Variants in DNAAF9 observed in about 807,000 individuals in gnomAD.
DNAAF9 encodes the protein dynein axonemal assembly factor 9, also known as shulin.
In DNAAF9, 90 loss-of-function variants were observed where a neutral mutation model predicts 167.0. The ratio of observed to expected loss-of-function variants is 0.54; its 90% CI spans 0.45 to 0.64. The LOEUF (loss-of-function observed/expected upper bound fraction) is 0.64. Ranked by LOEUF, DNAAF9 falls within the 30% of genes least tolerant of loss-of-function variation. The pLI is 0.00. For synonymous variants in DNAAF9, 491 were observed against 508.8 expected, an observed-to-expected ratio of 0.96 and a Z score of 0.47; for missense variants, 1,315 against 1,442.2, an observed-to-expected ratio of 0.91 and a Z score of 1.43.
chr20:3,285,309 G>A (rs1317382897), intron 27 of DNAAF9, among the ~76,000 whole-genome samples: 1 of 152,300 alleles, frequency 6.6e-6, no homozygotes, highest in South Asian at 2.1e-4. Flanking sequence ...CACTTTGGGA[G>A]GCTGAGGTGG....
At chr20:3,275,598 A>G (rs2068663337) in intron 29 of DNAAF9, among the ~76,000 whole-genome samples, 1 of 152,238 alleles carries the variant, frequency 6.6e-6, no homozygotes, top group African/African-American at 2.4e-5. Context: ...TATCCCCAGC[A>G]TTCCTTAGGC....
chr20:3,379,855 C>T (rs1334083712), intron 3 of DNAAF9, among the ~76,000 whole-genome samples: 3 of 152,060 alleles, frequency 2.0e-5, no homozygotes, highest in South Asian at 2.1e-4. Flanking sequence ...GTCAGGAGTT[C>T]GAGACCAGCC....
intron 22 of DNAAF9, 132 bp from the exon 23 acceptor site, chr20:3,297,081 G>T: frequency 1.6e-6 from 1 of 638,886 alleles, no homozygotes; most frequent in Non-Finnish European, 2.8e-6. Flanking sequence ...AAACAAGTTT[G>T]CTTCAAAAAT....
chr20:3,294,381 T>G lies in DNAAF9; in HGVS notation c.2121-125A>C. The G allele has an allele frequency of 6.1e-6, 5 of 821,112 alleles. No individual in the cohort carries two copies. The South Asian group carries it at 8.0e-5, about 13-fold the overall frequency. The allele number at this position is 821,112 out of a possible 1,614,324, so 50.9% of individuals were successfully genotyped here. ...CCTTGGAGAGATTCTCTCTAGAGAA[T>G]AAAATTGTGTACAGTGTGTTACTGC... On this transcript the variant is annotated intron_variant, in intron 24 of 36. Transcript: ENST00000252032.
At chr20:3,374,800 C>G (rs1330734789) in intron 5 of DNAAF9, among the ~76,000 whole-genome samples, 1 of 152,134 alleles carries the variant, frequency 6.6e-6, no homozygotes, top group Non-Finnish European at 1.5e-5. Context: ...AATTCTGTAT[C>G]AGTTCTTCTA....
chr20:3,299,890 C>CT (rs1371108767), intron 21 of DNAAF9, among the ~76,000 whole-genome samples: 1 of 152,134 alleles, frequency 6.6e-6, no homozygotes, highest in African/African-American at 2.4e-5. Flanking sequence ...TCTACATGAA[C>CT]TTTAGGATGG....
chr20:3,356,662 T>C (rs1045285858), intron 7 of DNAAF9, among the ~76,000 whole-genome samples: 9 of 152,332 alleles, frequency 5.9e-5, no homozygotes, highest in East Asian at 1.9e-4. Flanking sequence ...AGGCTGGCTA[T>C]GGCTCAGCTG....
At chr20:3,327,024 C>A (rs575189965) in intron 12 of DNAAF9, among the ~76,000 whole-genome samples, 8 of 152,260 alleles carry the variant, frequency 5.3e-5, no homozygotes, top group Non-Finnish European at 1.2e-4. Context: ...ACTAGACCTG[C>A]TGAAGGCTGG....
At chr20:3,336,685 G>A (rs1330094936) in intron 10 of DNAAF9, among the ~76,000 whole-genome samples, 1 of 152,016 alleles carries the variant, frequency 6.6e-6, no homozygotes, top group Non-Finnish European at 1.5e-5. Context: ...GAGCAGCTGG[G>A]ATTTTACAAG....
intron 27 of DNAAF9, among the ~76,000 whole-genome samples, chr20:3,286,682 G>C (rs2068858186): frequency 6.6e-6 from 1 of 152,158 alleles, no homozygotes; most frequent in South Asian, 2.1e-4. Flanking sequence ...TGGCCTGCTA[G>C]GGTACACCGT....
chr20:3,295,425 C>G (rs543440806), intron 23 of DNAAF9: 1 of 243,344 alleles, frequency 4.1e-6, no homozygotes, highest in East Asian at 1.0e-4. Context: ...GGTGATCCAC[C>G]ACCTCGGCCT....
At chr20:3,318,795 T>C (rs1476270096) in intron 16 of DNAAF9, among the ~76,000 whole-genome samples, 1 of 151,564 alleles carries the variant, frequency 6.6e-6, no homozygotes, top group Non-Finnish European at 1.5e-5. Flanking sequence ...AAGAAAAAAT[T>C]AGGCTAGGCA....
Position 3,315,121 on chromosome 20 carries a change from C to G in DNAAF9, c.1591-1G>C. 1.3e-6 allele frequency: 2 copies of G among 1,585,226 alleles called. No homozygotes were observed. Among genetic ancestry groups the G allele is most frequent in the Non-Finnish European group, 1.7e-6 (2 of 1,154,692 alleles). The stretch of plus-strand genomic sequence containing the variant: ...AAGTGCCCAGGAAAGACTCATCCCC[C>G]TTTAAAAACAACAACAAAAACAAAA... On this transcript the variant is annotated splice_acceptor_variant, in intron 19 of 36. Transcript: ENST00000252032. LOFTEE classifies it high-confidence loss of function. The surrounding 1 kb of genome is among the most constrained non-coding windows in gnomAD (Gnocchi z 4.1).
chr20:3,290,744 C>T (rs1430641861), intron 25 of DNAAF9, among the ~76,000 whole-genome samples: 1 of 151,402 alleles, frequency 6.6e-6, no homozygotes, highest in Non-Finnish European at 1.5e-5. Context: ...GATGCTTCTG[C>T]CTGGTTGCCT....
At chr20:3,343,876 T>A (rs973972388) in intron 8 of DNAAF9, 145 bp from the exon 9 acceptor site, 11 of 535,406 alleles carry the variant, frequency 2.1e-5, no homozygotes, top group Non-Finnish European at 3.3e-5. Context: ...TGCATGTGCG[T>A]GTGTGTGACA....
chr20:3,336,095 C>T (rs1387638145), intron 10 of DNAAF9, among the ~76,000 whole-genome samples: 2 of 152,054 alleles, frequency 1.3e-5, no homozygotes, highest in Non-Finnish European at 2.9e-5. Flanking sequence ...TGCACTCCAG[C>T]CTGGGTGACA....
intron 8 of DNAAF9, among the ~76,000 whole-genome samples, chr20:3,346,584 T>C (rs1166460482): frequency 6.6e-6 from 1 of 152,162 alleles, no homozygotes; most frequent in East Asian, 1.9e-4. Context: ...GAAATGACTA[T>C]ATGCTACCCT....
At chr20:3,343,802 T>C in intron 8 of DNAAF9, 71 bp from the exon 9 acceptor site, 1 of 1,107,160 alleles carries the variant, frequency 9.0e-7, no homozygotes, top group Non-Finnish European at 1.4e-6. Flanking sequence ...CCCTCACATA[T>C]GTATGTATGT....
rs1347485535 is a variant in DNAAF9, at chr20:3,256,011, T to A, written c.3256A>T (p.Lys1086Ter). 1 of 1,612,442 alleles carries A rather than the reference T, an allele frequency of 6.2e-7. No homozygotes were observed. Among genetic ancestry groups the A allele is most frequent in the South Asian group, 1.1e-5 (1 of 91,016 alleles). ...GTCTGGGCTCTGGAAACCACCTGCTTAGCTGACTGCCGCAGCCAGTCCTTG... is the reference window on the plus strand; with the variant it reads ...GTCTGGGCTCTGGAAACCACCTGCTAAGCTGACTGCCGCAGCCAGTCCTTG... ...SIKDWLRQSA[K>*]QKPQRKALKT... Residue 1086 changes from lysine (K) to a stop codon, truncating the protein, a stop_gained, in exon 34 of 37, where the codon AAG (lysine) becomes TAG (stop). Coordinates refer to ENST00000252032, the MANE Select transcript of DNAAF9 (RefSeq NM_001009984.3). LOFTEE classifies it high-confidence loss of function.
Sources: gnomAD v4.1 joint callset for allele counts (sites outside exome capture counted in the v4.1 genomes callset) on GRCh38, gnomAD v4.1.1 for gene constraint, Gnocchi (gnomAD v3.1) non-coding constraint, MANE v1.5 for transcripts, NCBI Gene and HGNC (gene_info 2026-07-23, HGNC 2026-07-21) for gene names.